Variants in SCN10A observed in about 807,000 individuals in gnomAD.
SCN10A encodes sodium channel protein type 10 subunit alpha.
In SCN10A, 162 loss-of-function variants were observed where a neutral mutation model predicts 170.7. That is an observed-to-expected ratio of 0.95 (90% CI 0.84 to 1.08). SCN10A has a LOEUF of 1.08. Among genes scored for constraint, SCN10A ranks in the 50% least tolerant of loss-of-function variants. SCN10A has a pLI of 0.00. For synonymous variants in SCN10A, 985 were observed against 904.6 expected (o/e 1.09, Z -1.59); for missense variants, 2,527 against 2,436.9 (o/e 1.04, Z -0.78).
chr3:38,712,966 T>C (rs2063291795), intron 22 of SCN10A, among the ~76,000 whole-genome samples: 1 of 152,258 alleles, frequency 6.6e-6, no homozygotes, highest in South Asian at 2.1e-4. Flanking sequence ...CTAGTGTTTG[T>C]AAAGGTACAA....
intron 1 of SCN10A, among the ~76,000 whole-genome samples, chr3:38,798,188 G>A (rs2064350977): frequency 6.6e-6 from 1 of 152,180 alleles, no homozygotes; most frequent in Non-Finnish European, 1.5e-5. Flanking sequence ...GTATTTTTAT[G>A]AGCCATTTAC....
Position 38,728,574 on chromosome 3 carries a change from A to C in SCN10A, c.2608T>G (p.Phe870Val), listed in dbSNP as rs2063480966. 1.2e-6 allele frequency: 2 copies of C among 1,602,356 alleles called. No homozygotes were observed. Among genetic ancestry groups the C allele is most frequent in the African/African-American group, 1.3e-5 (1 of 74,732 alleles). The change falls in exon 16 of 28, where the codon TTC becomes GTC. Residue 870 changes from phenylalanine (F) to valine (V), a missense_variant. Phe to Val is a conservative substitution (Grantham distance 50). Transcript: ENST00000449082. ...VGQKSICLIL[F>V]LTVMVLGNLV... ...TTCCCTAGCACCATCACCGTCAAGA[A>C]AAGGATGAGGCATATGGATTTTTGG...
At chr3:38,767,798 C>CT (rs2063950063) in intron 5 of SCN10A, among the ~76,000 whole-genome samples, 1 of 151,994 alleles carries the variant, frequency 6.6e-6, no homozygotes, top group Non-Finnish European at 1.5e-5. Flanking sequence ...TCTTTGTTGA[C>CT]TTTCTGTCTT....
At chr3:38,702,859 G>T (rs1300483634) in intron 26 of SCN10A, among the ~76,000 whole-genome samples, 1 of 152,140 alleles carries the variant, frequency 6.6e-6, no homozygotes, top group African/African-American at 2.4e-5. Flanking sequence ...TATTTTTATG[G>T]TGTCTTTAAA....
chr3:38,698,152 C>A lies in SCN10A; in HGVS notation c.5068G>T (p.Gly1690Trp), dbSNP rs759422250. 1 of 1,614,054 alleles carries A rather than the reference C, an allele frequency of 6.2e-7. No homozygotes were observed. Among genetic ancestry groups the A allele is most frequent in the South Asian group, 1.1e-5 (1 of 91,086 alleles). The change falls in exon 28 of 28, where the codon GGG (glycine) becomes TGG (tryptophan). Residue 1690 changes from glycine (G) to tryptophan (W), a missense_variant. Coordinates refer to ENST00000449082, the MANE Select transcript of SCN10A (RefSeq NM_006514.4). ...CCTACGGCTGGGCTCCCACAGTCCC[C>A]TCTGGTGCCATTGCTGTTGGGCAGA... Reference protein sequence around the residue: ...PNLPNSNGTRGDCGSPAVGII... With the variant: ...PNLPNSNGTRWDCGSPAVGII...
chr3:38,732,783 C>T (rs2063524169), intron 15 of SCN10A, among the ~76,000 whole-genome samples: 2 of 152,092 alleles, frequency 1.3e-5, no homozygotes, highest in South Asian at 4.2e-4. Context: ...TTGTAATTGG[C>T]TATGTTGGTC....
intron 1 of SCN10A, among the ~76,000 whole-genome samples, chr3:38,811,986 A>G (rs1027836000): frequency 6.6e-6 from 1 of 152,320 alleles, no homozygotes; most frequent in East Asian, 1.9e-4. Flanking sequence ...GCAATGAGCC[A>G]GGCAACCAAT....
chr3:38,709,947 G>T (rs951521454), intron 24 of SCN10A, among the ~76,000 whole-genome samples: 3 of 152,170 alleles, frequency 2.0e-5, no homozygotes, highest in Non-Finnish European at 1.5e-5. Context: ...TATTGGTAAG[G>T]GTTGCCCCTA....
At chr3:38,797,091 T>C (rs1003105535) in intron 1 of SCN10A, among the ~76,000 whole-genome samples, 4 of 151,964 alleles carry the variant, frequency 2.6e-5, no homozygotes, top group African/African-American at 9.7e-5. Context: ...ATTGAGTCTA[T>C]TGACATTTTA....
In SCN10A at chr3:38,756,915, A is replaced by G. The variant is rs755426294; in HGVS notation, c.1093-44T>C. 51 of 1,609,712 alleles carry G rather than the reference A, an allele frequency of 3.2e-5. No homozygotes were observed. In the East Asian group the frequency reaches 1.1e-3, roughly 34 times the overall value. On this transcript the variant is annotated intron_variant, in intron 9 of 27. Coordinates refer to ENST00000449082, the MANE Select transcript of SCN10A (RefSeq NM_006514.4). The stretch of plus-strand genomic sequence containing the variant: ...GAAGAGAAACCTGTACCCATAGCAC[A>G]TGGACCCCTGAATTTAAGTCAGCCT...
chr3:38,789,562 T>G (rs567936071), intron 3 of SCN10A, among the ~76,000 whole-genome samples: 1 of 152,188 alleles, frequency 6.6e-6, no homozygotes, highest in South Asian at 2.1e-4. Context: ...GGGAATTAGT[T>G]TCATCAGATT....
chr3:38,789,981 T>C (rs1021535125), intron 3 of SCN10A, among the ~76,000 whole-genome samples: 1 of 152,204 alleles, frequency 6.6e-6, no homozygotes, highest in African/African-American at 2.4e-5. Context: ...TGAGCAGAAG[T>C]ATTTAAATGT....
Position 38,697,631 on chromosome 3 carries a change from C to T in SCN10A, c.5589G>A (p.Arg1863=), listed in dbSNP as rs756017969. 3 of 1,614,162 alleles carry T rather than the reference C, an allele frequency of 1.9e-6. No individual in the cohort carries two copies. Among genetic ancestry groups the T allele is most frequent in the Admixed American group, 1.7e-5 (1 of 60,012 alleles). ...ISATVIQKAY[R]SYVLHRSMAL... The stretch of plus-strand genomic sequence containing the variant: ...CCATGGAGCGGTGCAGCACATAGCT[C>T]CGATAGGCCTTTTGAATGACAGTGG... Residue 1863 remains arginine (R), a synonymous_variant, in exon 28 of 28, where the codon CGG becomes CGA. Coordinates refer to ENST00000449082, the MANE Select transcript of SCN10A (RefSeq NM_006514.4).
In SCN10A at chr3:38,803,219, A is replaced by G. The variant is rs546328008; in HGVS notation, c.-32-9177T>C. Among the ~76,000 whole-genome samples, 600 of 152,344 alleles carry G rather than the reference A, an allele frequency of 3.9e-3. 3 individuals carry two copies. Among genetic ancestry groups the G allele is most frequent in the Middle Eastern group, 0.014 (4 of 294 alleles). The stretch of plus-strand genomic sequence containing the variant: ...TGTTGGTGGGACTGTAAACTAGTTC[A>G]ACCATTGTGGAAGACAGTGTGGCAA... On this transcript the variant is annotated intron_variant, in intron 1 of 27. Coordinates refer to ENST00000449082, the MANE Select transcript of SCN10A (RefSeq NM_006514.4).
intron 4 of SCN10A, among the ~76,000 whole-genome samples, chr3:38,781,552 A>C (rs578072520): frequency 8.6e-5 from 13 of 152,028 alleles, no homozygotes; most frequent in Non-Finnish European, 1.0e-4. Context: ...CCAACCAACT[A>C]CCACTTCTTC....
rs769960587 is a variant in SCN10A, at chr3:38,756,866, C to T, written c.1098G>A (p.Leu366=). 2 of 1,614,030 alleles carry T rather than the reference C, an allele frequency of 1.2e-6. No homozygotes were observed. The highest frequency in any genetic ancestry group is 2.2e-5 in the East Asian group (1 of 44,900). The part of the protein sequence containing the change: ...DSWERLYQQT[L]RTSGKIYMIF... ...TCATATAGATTTTCCCAGAAGTCCT[C>T]AGGGTCTGCAGGTTCAAGGGAAAGA... The change falls in exon 10 of 28, where the codon CTG becomes CTA. Residue 366 remains leucine, a synonymous_variant. Coordinates refer to ENST00000449082, the MANE Select transcript of SCN10A (RefSeq NM_006514.4).
chr3:38,787,027 G>A (rs1311347795), intron 4 of SCN10A, among the ~76,000 whole-genome samples: 5 of 152,062 alleles, frequency 3.3e-5, no homozygotes, highest in Non-Finnish European at 7.4e-5. Flanking sequence ...AACTTTTGAG[G>A]AAGAAAATTT....
chr3:38,712,239 G>A lies in SCN10A; in HGVS notation c.4011C>T (p.Ser1337=), dbSNP rs1187415373. 6.2e-7 allele frequency: 1 copy of A among 1,614,188 alleles called. No individual in the cohort carries two copies. Among genetic ancestry groups the A allele is most frequent in the Middle Eastern group, 1.6e-4 (1 of 6,062 alleles). ...CATTGACCCAGAAGAAGCTGCCAGT[G>A]GAGTTTTGAATCTTGCAGTCAGACT... ...NNKSDCKIQN[S]TGSFFWVNVK... is the part of the protein sequence containing the mutation. The change falls in exon 23 of 28, where the codon TCC becomes TCT. Residue 1337 remains serine, a synonymous_variant. Coordinates refer to ENST00000449082, the MANE Select transcript of SCN10A (RefSeq NM_006514.4).
chr3:38,741,289 A>AACACACACACACAC (rs60874265), intron 14 of SCN10A, among the ~76,000 whole-genome samples: 35 of 146,772 alleles, frequency 2.4e-4, no homozygotes, highest in African/African-American at 7.5e-4. Context: ...CGTGTGTTTG[A>AACACACACACACAC]ACACACACAC....
Sources: allele counts gnomAD v4.1 joint callset (sites outside exome capture counted in the v4.1 genomes callset), GRCh38; gene constraint gnomAD v4.1.1; transcripts MANE v1.5; gene names NCBI Gene and HGNC (gene_info 2026-07-23, HGNC 2026-07-21).